Variants in XPO6 observed in about 807,000 individuals in gnomAD.
The protein encoded by XPO6 is exportin-6.
In XPO6, 3 loss-of-function variants were observed where a neutral mutation model predicts 130.0. The ratio of observed to expected loss-of-function variants is 0.02; its 90% CI spans 0.01 to 0.06. XPO6 has a LOEUF of 0.06. Among genes scored for constraint, XPO6 ranks in the 10% least tolerant of loss-of-function variants. The probability of loss-of-function intolerance (pLI) is 1.00; values close to 1 mark genes in which losing one functional copy is unlikely to be tolerated. For synonymous variants in XPO6, 524 were observed against 548.9 expected, an observed-to-expected ratio of 0.95 and a Z score of 0.63; for missense variants, 970 against 1,393.0, an observed-to-expected ratio of 0.70 and a Z score of 4.83.
At chr16:28,100,750 C>A (rs1176024505) in intron 23 of XPO6, among the ~76,000 whole-genome samples, 3 of 152,218 alleles carry the variant, frequency 2.0e-5, no homozygotes, top group African/African-American at 7.2e-5. Flanking sequence ...TCACCTGACA[C>A]AGGAAGAAGA....
rs1251011452 is a variant in XPO6 at position 28,156,260 on chromosome 16, T to C, written c.911A>G (p.Glu304Gly). The C allele has an allele frequency of 6.2e-7, 1 of 1,614,080 alleles. No individual in the cohort carries two copies. ...GGCCAGGACCCCCAGCCGGCCGCGC[T>C]CCTGACCCGAGACACAGTTCTGGCT... ...GSSQNCVSGQ[E>G]RGRLGVLAMS... The change falls in exon 7 of 24, where the codon GAG (glutamate) becomes GGG (glycine). Residue 304 changes from glutamate (E) to glycine (G), a missense_variant. Coordinates refer to ENST00000304658, the MANE Select transcript of XPO6 (RefSeq NM_015171.4).
intron 1 of XPO6, among the ~76,000 whole-genome samples, chr16:28,206,455 G>A (rs547586667): frequency 6.6e-6 from 1 of 152,244 alleles, no homozygotes; most frequent in Admixed American, 6.5e-5. Context: ...GCTGAGGTGG[G>A]AGGATTGCCT....
At chr16:28,184,792 G>C (rs572392057) in intron 1 of XPO6, among the ~76,000 whole-genome samples, 2 of 152,182 alleles carry the variant, frequency 1.3e-5, no homozygotes, top group Non-Finnish European at 2.9e-5. Flanking sequence ...AATAATAAGT[G>C]TTGATGAGGA....
chr16:28,172,019 C>G (rs2043457465), intron 4 of XPO6, among the ~76,000 whole-genome samples: 1 of 152,140 alleles, frequency 6.6e-6, no homozygotes, highest in South Asian at 2.1e-4. Flanking sequence ...AATATACACC[C>G]TCCTATAAAT....
chr16:28,181,637 C>T (rs1015666488), intron 1 of XPO6, among the ~76,000 whole-genome samples: 5 of 151,938 alleles, frequency 3.3e-5, no homozygotes, highest in African/African-American at 1.2e-4. Context: ...CCCAGCCACC[C>T]AAAGCAATGG....
At position 28,120,083 on chromosome 16, in the gene XPO6, G is replaced by A. The variant is rs558402106; in HGVS notation, c.1859+1587C>T. 3.9e-5 allele frequency among the ~76,000 whole-genome samples: 6 copies of A among 152,284 alleles called. 1 individual carries two copies. In the East Asian group the frequency reaches 1.2e-3, roughly 29 times the overall value. ...TGGACTTGAACTCCTGACCTCAAGT[G>A]ATCCGCCTGCCTCGGCCTCCCAAAA... On this transcript the variant is annotated intron_variant, in intron 14 of 23. Transcript: ENST00000304658.
chr16:28,152,835 T>C (rs2043119103), intron 7 of XPO6, 50 bp from the exon 8 acceptor site: 1 of 1,587,064 alleles, frequency 6.3e-7, no homozygotes, highest in Non-Finnish European at 8.5e-7. Flanking sequence ...GCCACCTCCT[T>C]AGAACTTAAA....
Position 28,155,976 on chromosome 16 carries a change from C to T in XPO6, c.1097+98G>A, listed in dbSNP as rs541291123. The T allele has an allele frequency of 1.3e-5, 19 of 1,489,290 alleles. No homozygotes were observed. The Admixed American group carries it at 3.2e-4, about 25-fold the overall frequency. The allele number at this position is 1,489,290 out of a possible 1,614,324, so 92.3% of individuals were successfully genotyped here. The stretch of plus-strand genomic sequence containing the variant: ...TGTTCCTCACCAGGAGCCCCATATT[C>T]TGAAATCAAAGAGGATTACAGATGC... On this transcript the variant is annotated intron_variant, in intron 7 of 23. Transcript: ENST00000304658.
intron 9 of XPO6, among the ~76,000 whole-genome samples, chr16:28,136,178 C>T (rs1280406484): frequency 6.6e-6 from 1 of 152,106 alleles, no homozygotes; most frequent in East Asian, 1.9e-4. Context: ...AAATCATGTT[C>T]TCGCTACACA....
chr16:28,195,684 C>T (rs953816852), intron 1 of XPO6, among the ~76,000 whole-genome samples: 2 of 152,088 alleles, frequency 1.3e-5, no homozygotes, highest in South Asian at 2.1e-4. Flanking sequence ...ATCCAGGAGG[C>T]GGAGGTTGCA....
At chr16:28,174,180 GC>G (rs1323242542) in intron 4 of XPO6, among the ~76,000 whole-genome samples, 2 of 152,050 alleles carry the variant, frequency 1.3e-5, no homozygotes, top group African/African-American at 4.8e-5. Flanking sequence ...CCCAGTCCAG[GC>G]CTACTGGCCT....
Position 28,106,621 on chromosome 16 carries a change from A to G in XPO6, c.2498-124T>C. On this transcript the variant is annotated intron_variant, in intron 18 of 23. Coordinates refer to ENST00000304658, the MANE Select transcript of XPO6 (RefSeq NM_015171.4). This position sits in a 1 kb window ranked among gnomAD's most constrained non-coding sequence, Gnocchi z 4.2. ...TTCTCTACAGCTTCCTGCTGGAAAC[A>G]TTTCCCCAACACCATCAGGGCCAAT... The G allele has an allele frequency of 1.4e-6, 1 of 730,414 alleles. No homozygotes were observed. The highest frequency in any genetic ancestry group is 2.3e-6 in the Non-Finnish European group (1 of 431,508). The allele number at this position is 730,414 out of a possible 1,614,324, so 45.2% of individuals were successfully genotyped here.
In XPO6 at chr16:28,101,225, C is replaced by T; in HGVS notation, c.3276+233G>A. The T allele has an allele frequency of 1.7e-6, 1 of 598,504 alleles. No individual in the cohort carries two copies. Among genetic ancestry groups the T allele is most frequent in the African/African-American group, 1.8e-5 (1 of 54,442 alleles). 37.1% of individuals were successfully genotyped at this position (598,504 alleles called of 1,614,324 possible). On this transcript the variant is annotated intron_variant, in intron 23 of 23. Coordinates refer to ENST00000304658, the MANE Select transcript of XPO6 (RefSeq NM_015171.4). This position sits in a 1 kb window ranked among gnomAD's most constrained non-coding sequence, Gnocchi z 5.4. ...TGCAGAGCCAGGAACTCGGGACCTC[C>T]ATGGCTGAGACTAAGAACATACGTG... is the stretch of plus-strand genomic sequence containing the variant.
intron 16 of XPO6, 64 bp from the exon 17 acceptor site, chr16:28,112,070 A>G (rs2086937930): frequency 2.6e-6 from 4 of 1,527,652 alleles, no homozygotes; most frequent in African/African-American, 1.4e-5. Flanking sequence ...CGGCATGCCC[A>G]ACACAGCCTT....
chr16:28,141,285 T>C (rs1347933606), intron 9 of XPO6, among the ~76,000 whole-genome samples: 1 of 152,176 alleles, frequency 6.6e-6, no homozygotes, highest in Non-Finnish European at 1.5e-5. Flanking sequence ...ACACAATGAC[T>C]TTAGGTTGCT....
chr16:28,210,121 C>G (rs955931996), intron 1 of XPO6, among the ~76,000 whole-genome samples: 5 of 152,136 alleles, frequency 3.3e-5, no homozygotes, highest in African/African-American at 1.2e-4. Flanking sequence ...AAAGCAAGAC[C>G]CTGTCTCAAA....
intron 12 of XPO6, among the ~76,000 whole-genome samples, chr16:28,128,854 A>G (rs2042611689): frequency 1.3e-5 from 2 of 152,188 alleles, no homozygotes; most frequent in Non-Finnish European, 2.9e-5. Flanking sequence ...ACACAGAACA[A>G]GCCAAAGCCT....
At chr16:28,152,822 C>G in intron 7 of XPO6, 37 bp from the exon 8 acceptor site, 1 of 1,598,702 alleles carries the variant, frequency 6.3e-7, no homozygotes, top group Non-Finnish European at 8.5e-7. Flanking sequence ...AATAAGAAAC[C>G]CAGCCACCTC....
chr16:28,106,558 G>A lies in XPO6; in HGVS notation c.2498-61C>T, dbSNP rs1464477246. 4 of 1,393,768 alleles carry A rather than the reference G, an allele frequency of 2.9e-6. No homozygotes were observed. Among genetic ancestry groups the A allele is most frequent in the Non-Finnish European group, 4.1e-6 (4 of 986,260 alleles). The allele number at this position is 1,393,768 out of a possible 1,614,324, so 86.3% of individuals were successfully genotyped here. A position where few individuals can be genotyped will look rare whatever the true frequency, so the allele number is the denominator to read the frequency against. Reference sequence around the variant, plus strand: ...CACACAGTGAGAACCAGAACCCTGGGCTTCATCAACCTACTCCTGAAATCT... The same window carrying A: ...CACACAGTGAGAACCAGAACCCTGGACTTCATCAACCTACTCCTGAAATCT... On this transcript the variant is annotated intron_variant, in intron 18 of 23. Coordinates refer to ENST00000304658, the MANE Select transcript of XPO6 (RefSeq NM_015171.4). The surrounding 1 kb of genome is among the most constrained non-coding windows in gnomAD (Gnocchi z 4.2).
Sources: gnomAD v4.1 joint callset for allele counts (sites outside exome capture counted in the v4.1 genomes callset) on GRCh38, gnomAD v4.1.1 for gene constraint, Gnocchi (gnomAD v3.1) non-coding constraint, MANE v1.5 for transcripts, NCBI Gene and HGNC (gene_info 2026-07-23, HGNC 2026-07-21) for gene names.